Variants in KSR2 observed in about 807,000 individuals in gnomAD.
KSR2 encodes the protein kinase suppressor of ras 2.
KSR2 carries 25 observed loss-of-function variants against 107.8 expected under a neutral mutation model. The ratio of observed to expected loss-of-function variants is 0.23; its 90% confidence interval spans 0.17 to 0.32. KSR2 has a LOEUF of 0.32. KSR2 is among the 10% of genes least tolerant of loss of function. The probability of loss-of-function intolerance (pLI) is 1.00; values close to 1 mark genes in which losing one functional copy is unlikely to be tolerated. For synonymous variants in KSR2, 480 were observed against 507.0 expected, an observed-to-expected ratio of 0.95 and a Z score of 0.71; for missense variants, 887 against 1,268.9, an observed-to-expected ratio of 0.70 and a Z score of 4.57.
At chr12:117,653,821 C>T (rs933960859) in intron 5 of KSR2, among the ~76,000 whole-genome samples, 1 of 152,178 alleles carries the variant, frequency 6.6e-6, no homozygotes, top group Non-Finnish European at 1.5e-5. Context: ...TCAAGTGACC[C>T]GAAAGGCTGC....
chr12:117,801,840 G>T (rs1471934283), intron 3 of KSR2, among the ~76,000 whole-genome samples: 2 of 29,092 alleles, frequency 6.9e-5, no homozygotes, highest in Non-Finnish European at 9.8e-5. Flanking sequence ...AAGTACCGTG[G>T]GGGGAAGAAG....
chr12:117,485,577 C>T lies in KSR2; in HGVS notation c.2316+18G>A. 6.2e-7 allele frequency: 1 copy of T among 1,602,684 alleles called. No individual in the cohort carries two copies. ...GTCTTTCTGAGATTTAGATAGGAGG[C>T]CCAAGAGCCGACAGTACCTTCACAA... On this transcript the variant is annotated intron_variant, in intron 15 of 19. Transcript: ENST00000339824.
chr12:117,832,181 G>A (rs545515479), intron 3 of KSR2, among the ~76,000 whole-genome samples: 1 of 152,324 alleles, frequency 6.6e-6, no homozygotes, highest in South Asian at 2.1e-4. Context: ...CTACTGGGGA[G>A]GGTGAGGCAG....
At chr12:117,637,453 G>A (rs1322734780) in intron 5 of KSR2, among the ~76,000 whole-genome samples, 1 of 152,188 alleles carries the variant, frequency 6.6e-6, no homozygotes, top group Non-Finnish European at 1.5e-5. Flanking sequence ...CATCTCAGTT[G>A]TCAATAGCAC....
At chr12:117,917,599 G>C (rs533164638) in intron 1 of KSR2, among the ~76,000 whole-genome samples, 1 of 152,130 alleles carries the variant, frequency 6.6e-6, no homozygotes, top group Non-Finnish European at 1.5e-5. Flanking sequence ...CACGTCTCAA[G>C]TTGAAGAAAC....
Position 117,679,448 on chromosome 12 carries a change from G to C in KSR2, c.987-11790C>G, listed in dbSNP as rs77872451. Among the ~76,000 whole-genome samples, 33 of 152,302 alleles carry C rather than the reference G, an allele frequency of 2.2e-4. No individual in the cohort carries two copies. The East Asian group carries it at 2.3e-3, about 11-fold the overall frequency. On this transcript the variant is annotated intron_variant, in intron 4 of 19. Coordinates refer to ENST00000339824, the MANE Select transcript of KSR2 (RefSeq NM_173598.6). Reference sequence around the variant, plus strand: ...GAGCACACTCTAAGTGTGATGCACTGTGTTCTTACACTTCAGAGGTCTAAA... The same window carrying C: ...GAGCACACTCTAAGTGTGATGCACTCTGTTCTTACACTTCAGAGGTCTAAA...
intron 5 of KSR2, among the ~76,000 whole-genome samples, chr12:117,587,493 C>A (rs563242175): frequency 6.6e-6 from 1 of 152,190 alleles, no homozygotes; most frequent in South Asian, 2.1e-4. Context: ...ACCAGCTCTG[C>A]CGACACCCTG....
At chr12:117,592,564 A>G (rs1454661320) in intron 5 of KSR2, among the ~76,000 whole-genome samples, 1 of 152,206 alleles carries the variant, frequency 6.6e-6, no homozygotes, top group Non-Finnish European at 1.5e-5. Context: ...CGAATCCTAG[A>G]GTCATCACCT....
chr12:117,650,683 A>T (rs1324634611), intron 5 of KSR2, among the ~76,000 whole-genome samples: 1 of 152,230 alleles, frequency 6.6e-6, no homozygotes, highest in Non-Finnish European at 1.5e-5. Flanking sequence ...CAAGGAGTTT[A>T]GTGACGCTAT....
At chr12:117,630,363 G>GTGTGTGTGCATGTGTA (rs537662181) in intron 5 of KSR2, among the ~76,000 whole-genome samples, 1 of 141,138 alleles carries the variant, frequency 7.1e-6, no homozygotes, top group East Asian at 2.7e-4. Context: ...AAGAAAATGT[G>GTGTGTGTGCATGTGTA]TGTGTGTGTG....
chr12:117,866,671 A>T lies in KSR2; in HGVS notation c.181-6240T>A, dbSNP rs77568751. ...ATAGAGAAACCCCATCTCTACTAAA[A>T]ATACAAAACTAGCCGGGCATGGTGG... On this transcript the variant is annotated intron_variant, in intron 1 of 19. Transcript: ENST00000339824. Among the ~76,000 whole-genome samples, 1,442 of 152,058 alleles carry T rather than the reference A, an allele frequency of 9.5e-3. 60 individuals carry two copies. The East Asian group carries it at 0.12, about 13-fold the overall frequency.
At chr12:117,801,059 CGT>C (rs1441959326) in intron 3 of KSR2, among the ~76,000 whole-genome samples, 3 of 152,106 alleles carry the variant, frequency 2.0e-5, no homozygotes, top group Non-Finnish European at 4.4e-5. Flanking sequence ...AATAAGCATA[CGT>C]GTGTATGTGT....
intron 5 of KSR2, among the ~76,000 whole-genome samples, chr12:117,600,939 G>A (rs1337307985): frequency 6.6e-6 from 1 of 152,158 alleles, no homozygotes; most frequent in East Asian, 1.9e-4. Context: ...TTACTGTCCT[G>A]AAGTCACATC....
intron 3 of KSR2, among the ~76,000 whole-genome samples, chr12:117,767,734 G>A (rs1458017640): frequency 2.1e-5 from 3 of 145,814 alleles, no homozygotes; most frequent in South Asian, 2.2e-4. Context: ...GCAGTGAGCC[G>A]AGATCGCACC....
intron 2 of KSR2, among the ~76,000 whole-genome samples, chr12:117,859,788 C>T (rs1893227372): frequency 6.6e-6 from 1 of 152,202 alleles, no homozygotes; most frequent in Non-Finnish European, 1.5e-5. Flanking sequence ...TCATCTCATT[C>T]TATGATGTCG....
intron 4 of KSR2, among the ~76,000 whole-genome samples, chr12:117,700,818 C>G (rs1483507422): frequency 1.3e-5 from 2 of 152,162 alleles, no homozygotes; most frequent in South Asian, 4.1e-4. Flanking sequence ...ATCCTCTTAG[C>G]AGGTTTTTGT....
intron 3 of KSR2, among the ~76,000 whole-genome samples, chr12:117,848,779 G>A (rs1427383290): frequency 1.4e-5 from 2 of 147,038 alleles, no homozygotes; most frequent in African/African-American, 5.4e-5. Flanking sequence ...GGTAATGATG[G>A]TGGTGGGTGG....
chr12:117,665,989 C>T (rs960239355), intron 5 of KSR2, among the ~76,000 whole-genome samples: 5 of 152,180 alleles, frequency 3.3e-5, no homozygotes, highest in South Asian at 2.1e-4. Flanking sequence ...GCAGGCCCAC[C>T]GTCATGAAGG....
chr12:117,765,604 A>G (rs1163155997), intron 3 of KSR2, among the ~76,000 whole-genome samples: 1 of 152,102 alleles, frequency 6.6e-6, no homozygotes, highest in African/African-American at 2.4e-5. Context: ...AAACACACAC[A>G]CTCAAAAAAA....
Sources: allele counts gnomAD v4.1 joint callset (sites outside exome capture counted in the v4.1 genomes callset), GRCh38; gene constraint gnomAD v4.1.1; transcripts MANE v1.5; gene names NCBI Gene and HGNC (gene_info 2026-07-23, HGNC 2026-07-21).